The following LRP2 variants were observed in gnomAD, a reference collection of about 807,000 sequenced individuals.
The protein encoded by LRP2 is LDL receptor related protein 2.
LRP2 carries 172 observed loss-of-function variants against 531.0 expected under a neutral mutation model. That is an observed-to-expected ratio of 0.32 (90% CI 0.29 to 0.37). The LOEUF is 0.37. LRP2 is among the 10% of genes least tolerant of loss of function. The probability of loss-of-function intolerance (pLI) is 1.00; values close to 1 mark genes in which losing one functional copy is unlikely to be tolerated. For synonymous variants in LRP2, 1,992 were observed against 2,027.6 expected, an observed-to-expected ratio of 0.98 and a Z score of 0.47; for missense variants, 5,167 against 5,868.3, an observed-to-expected ratio of 0.88 and a Z score of 3.90.
chr2:169,359,689 AAC>A (rs1412824460), intron 1 of LRP2, among the ~76,000 whole-genome samples: 2 of 152,192 alleles, frequency 1.3e-5, no homozygotes, highest in Non-Finnish European at 2.9e-5. Flanking sequence ...TGGTCTTAGA[AAC>A]CTGAGGAGAG....
chr2:169,305,950 T>C (rs1684403443), intron 4 of LRP2, among the ~76,000 whole-genome samples: 1 of 152,072 alleles, frequency 6.6e-6, no homozygotes, highest in Non-Finnish European at 1.5e-5. Context: ...TATATACTGT[T>C]TACCCTAGGT....
At chr2:169,170,479 TA>T (rs1418515833) in intron 59 of LRP2, 71 bp downstream of exon 59, 2 of 1,181,192 alleles carry the variant, frequency 1.7e-6, no homozygotes, top group African/African-American at 1.5e-5. Flanking sequence ...AAAAGCCTTA[TA>T]AACACTAATT....
chr2:169,191,745 G>C, intron 48 of LRP2, 87 bp downstream of exon 48: 1 of 1,112,216 alleles, frequency 9.0e-7, no homozygotes, highest in Middle Eastern at 2.6e-4. Flanking sequence ...CCTGGGCACT[G>C]TGGCCACGGG....
intron 70 of LRP2, among the ~76,000 whole-genome samples, chr2:169,143,654 AAAAC>A (rs1685809495): frequency 6.6e-6 from 1 of 152,182 alleles, no homozygotes; most frequent in African/African-American, 2.4e-5. Flanking sequence ...TCAAAAACAA[AAAAC>A]AAACAAACAA....
chr2:169,308,178 G>T (rs879706932), intron 3 of LRP2, among the ~76,000 whole-genome samples: 32 of 151,868 alleles, frequency 2.1e-4, no homozygotes, highest in African/African-American at 7.3e-4. Flanking sequence ...GAAGAAAAAA[G>T]ATTTGCTCTC....
chr2:169,300,343 C>T (rs568537343), intron 4 of LRP2, among the ~76,000 whole-genome samples: 19 of 151,962 alleles, frequency 1.3e-4, no homozygotes, highest in Non-Finnish European at 2.5e-4. Context: ...TGAACAAGAA[C>T]CATTAGGCTT....
At chr2:169,178,090 G>T in intron 52 of LRP2, 64 bp from the exon 53 acceptor site, 1 of 1,191,782 alleles carries the variant, frequency 8.4e-7, no homozygotes, top group Non-Finnish European at 1.2e-6. Context: ...TGTCTTGCAG[G>T]ATAAAAGAAT....
rs138614485 is a variant in LRP2, at chr2:169,137,511, A to AAGAGAG, written c.13519-24_13519-19dup. ...TCTTCACTCTGATGGCAGAGACAGA[A>AAGAGAG]AGAGAGAGAGAGAGAGAGAGAGAAA... On this transcript the variant is annotated intron_variant, in intron 75 of 78. Coordinates refer to ENST00000649046, the MANE Select transcript of LRP2 (RefSeq NM_004525.3). 3.9e-6 allele frequency: 5 copies of AAGAGAG among 1,275,204 alleles called. No homozygotes were observed. Among genetic ancestry groups the AAGAGAG allele is most frequent in the South Asian group, 1.2e-5 (1 of 83,656 alleles). 79.0% of individuals were successfully genotyped at this position (1,275,204 alleles called of 1,614,324 possible).
intron 16 of LRP2, among the ~76,000 whole-genome samples, chr2:169,265,122 A>G (rs915005937): frequency 6.6e-6 from 1 of 151,548 alleles, no homozygotes; most frequent in African/African-American, 2.4e-5. Context: ...ATCTTCCCAC[A>G]TCTTCCCCTT....
rs1161371453 is a variant in LRP2 at position 169,204,182 on chromosome 2, C to T, written c.7805G>A (p.Gly2602Asp). The change falls in exon 42 of 79, where the codon GGC (glycine) becomes GAC (aspartate). Residue 2602 changes from glycine to aspartate, a missense_variant. Around this residue, in one of 6 missense-constraint regions of LRP2, gnomAD observed 1,129 missense variants for 1,362.7 expected, o/e 0.83. Coordinates refer to ENST00000649046, the MANE Select transcript of LRP2 (RefSeq NM_004525.3). ...AVHAFGLTLY[G>D]QYIYWTDLYT... ...CAAGTCAGTCCAGTAAATATACTGG[C>T]CATAGAGAGTCAAGCCAAAAGCATG... 3.1e-6 allele frequency: 5 copies of T among 1,613,898 alleles called. No homozygotes were observed. Among genetic ancestry groups the T allele is most frequent in the Non-Finnish European group, 4.2e-6 (5 of 1,179,918 alleles).
At chr2:169,326,779 C>A (rs1250020591) in intron 1 of LRP2, among the ~76,000 whole-genome samples, 6 of 149,984 alleles carry the variant, frequency 4.0e-5, no homozygotes, top group South Asian at 2.1e-4. Context: ...AGGAGCGCCT[C>A]TTCCCGGCAG....
rs1036215589 is a variant in LRP2, at chr2:169,207,400, T to C, written c.6470-150A>G. On this transcript the variant is annotated intron_variant, in intron 38 of 78. Coordinates refer to ENST00000649046, the MANE Select transcript of LRP2 (RefSeq NM_004525.3). ...AAGATGATAGTGTCCCAGTCTAGGCTTAGAAAAATAAGTTCTTACTCCTAG... is the reference window on the plus strand; with the variant it reads ...AAGATGATAGTGTCCCAGTCTAGGCCTAGAAAAATAAGTTCTTACTCCTAG... 1.2e-4 allele frequency: 82 copies of C among 656,620 alleles called. No individual in the cohort carries two copies. The African/African-American group carries it at 1.3e-3, about 11-fold the overall frequency. 40.7% of individuals were successfully genotyped at this position (656,620 alleles called of 1,614,324 possible). A position where few individuals can be genotyped will look rare whatever the true frequency, so the allele number is the denominator to read the frequency against.
intron 1 of LRP2, among the ~76,000 whole-genome samples, chr2:169,328,299 C>G (rs4514847): frequency 0.03 from 3,342 of 109,592 alleles, 159 homozygotes; most frequent in Middle Eastern, 0.095. Context: ...GGGGGTCAGC[C>G]CCCCGCCCGG....
chr2:169,232,805 C>T (rs1001434146), intron 30 of LRP2, among the ~76,000 whole-genome samples: 3 of 152,086 alleles, frequency 2.0e-5, no homozygotes, highest in Non-Finnish European at 4.4e-5. Context: ...GTGGCAACAG[C>T]GAGTGGGAGA....
At chr2:169,191,754 G>T in intron 48 of LRP2, 78 bp downstream of exon 48, 1 of 1,225,094 alleles carries the variant, frequency 8.2e-7, no homozygotes, top group Non-Finnish European at 1.2e-6. Flanking sequence ...TGTGGCCACG[G>T]GGTGCCTGAT....
intron 36 of LRP2, among the ~76,000 whole-genome samples, chr2:169,212,614 T>G (rs905964336): frequency 2.6e-5 from 4 of 152,150 alleles, no homozygotes; most frequent in Non-Finnish European, 5.9e-5. Flanking sequence ...ATTAATGGCA[T>G]TCCCAGTGAC....
intron 3 of LRP2, among the ~76,000 whole-genome samples, chr2:169,312,898 A>G (rs1257244036): frequency 1.3e-5 from 2 of 152,010 alleles, no homozygotes; most frequent in East Asian, 3.9e-4. Context: ...GGCTTTGTTC[A>G]TTTCTTTTTA....
chr2:169,152,691 G>T, intron 67 of LRP2, 108 bp downstream of exon 67: 1 of 1,263,978 alleles, frequency 7.9e-7, no homozygotes, highest in Non-Finnish European at 1.2e-6. Context: ...ACCCATGGCT[G>T]AGTGTACTCA....
intron 47 of LRP2, 57 bp downstream of exon 47, chr2:169,193,704 C>G (rs1470995590): frequency 1.9e-6 from 3 of 1,608,588 alleles, no homozygotes; most frequent in Non-Finnish European, 2.6e-6. Flanking sequence ...AGAAAAACAA[C>G]TCTACTGTGT....
Sources: gnomAD v4.1 joint callset for allele counts (sites outside exome capture counted in the v4.1 genomes callset) on GRCh38, gnomAD v4.1.1 for gene constraint, gnomAD v4.1.1 regional missense constraint, MANE v1.5 for transcripts, NCBI Gene and HGNC (gene_info 2026-07-23, HGNC 2026-07-21) for gene names.